The following SHISAL2B variants were observed in gnomAD, a reference collection of about 807,000 sequenced individuals.
SHISAL2B encodes the protein protein shisa-like-2B.
Under a neutral mutation model 16.5 loss-of-function variants are expected in SHISAL2B, and 12 were observed. The ratio of observed to expected loss-of-function variants is 0.73; its 90% CI spans 0.47 to 1.18. The LOEUF (loss-of-function observed/expected upper bound fraction) is 1.18. SHISAL2B is among the 50% of genes most tolerant of loss of function. SHISAL2B has a pLI of 0.00. For missense variants in SHISAL2B, 183 were observed against 193.6 expected (o/e 0.95, Z 0.33); for synonymous variants, 72 against 75.0 (o/e 0.96, Z 0.21).
intron 2 of SHISAL2B, among the ~76,000 whole-genome samples, chr5:64,714,719 C>T (rs1414339149): frequency 1.3e-5 from 2 of 152,186 alleles, no homozygotes; most frequent in Non-Finnish European, 1.5e-5. Context: ...CCCTCTGAGC[C>T]AGGTGTGGGA....
At chr5:64,715,028 A>T (rs1742025166) in intron 2 of SHISAL2B, among the ~76,000 whole-genome samples, 1 of 152,096 alleles carries the variant, frequency 6.6e-6, no homozygotes, top group Non-Finnish European at 1.5e-5. Flanking sequence ...GGAGCTGTAG[A>T]CCGGAGCTGT....
At chr5:64,712,218 C>T (rs1196829029) in intron 2 of SHISAL2B, among the ~76,000 whole-genome samples, 1 of 149,340 alleles carries the variant, frequency 6.7e-6, no homozygotes, top group Admixed American at 6.7e-5. Context: ...GAATGTGTCC[C>T]AGAGATTCTG....
intron 2 of SHISAL2B, among the ~76,000 whole-genome samples, chr5:64,697,010 C>T (rs1011236422): frequency 1.3e-5 from 2 of 152,206 alleles, no homozygotes; most frequent in African/African-American, 2.4e-5. Flanking sequence ...TTTTGCGGCT[C>T]AGGTGGGCAT....
intron 2 of SHISAL2B, among the ~76,000 whole-genome samples, chr5:64,697,766 G>A (rs1015455697): frequency 5.9e-5 from 9 of 152,112 alleles, no homozygotes; most frequent in African/African-American, 2.2e-4. Context: ...GAAAATCTTT[G>A]TGTTAAAAAA....
chr5:64,698,496 A>G (rs1421229372), intron 2 of SHISAL2B, among the ~76,000 whole-genome samples: 1 of 152,080 alleles, frequency 6.6e-6, no homozygotes, highest in African/African-American at 2.4e-5. Flanking sequence ...ACATGCTTCC[A>G]CTATTGTCTA....
In SHISAL2B at chr5:64,690,633, G is replaced by A; in HGVS notation, c.10G>A (p.Ala4Thr). 1 of 1,499,132 alleles carries A rather than the reference G, an allele frequency of 6.7e-7. No homozygotes were observed. Among genetic ancestry groups the A allele is most frequent in the South Asian group, 1.2e-5 (1 of 80,158 alleles). The allele number at this position is 1,499,132 out of a possible 1,614,324, so 92.9% of individuals were successfully genotyped here. MSE[A>T]SRLCSGYYSL... ...CCGGCCCCTGCCCGCGATGAGCGAGGCCAGCCGACTGTGCTCCGGCTACTA... is the reference window on the plus strand; with the variant it reads ...CCGGCCCCTGCCCGCGATGAGCGAGACCAGCCGACTGTGCTCCGGCTACTA... Residue 4 changes from alanine to threonine, a missense_variant, in exon 1 of 3, where the codon GCC becomes ACC. Physicochemically the swap from Ala to Thr is moderately conservative, Grantham distance 58. Coordinates refer to ENST00000389074, the MANE Select transcript of SHISAL2B (RefSeq NM_001164442.2).
chr5:64,708,642 C>T (rs1741907082), intron 2 of SHISAL2B, among the ~76,000 whole-genome samples: 1 of 152,092 alleles, frequency 6.6e-6, no homozygotes, highest in Non-Finnish European at 1.5e-5. Context: ...AAATTTGAAT[C>T]TAATTTTTAG....
chr5:64,700,311 C>A (rs539233790), intron 2 of SHISAL2B, among the ~76,000 whole-genome samples: 1 of 152,132 alleles, frequency 6.6e-6, no homozygotes, highest in East Asian at 1.9e-4. Context: ...GAGATTGGTT[C>A]GAAGACCCCC....
At chr5:64,701,587 T>C (rs566807708) in intron 2 of SHISAL2B, among the ~76,000 whole-genome samples, 27 of 152,052 alleles carry the variant, frequency 1.8e-4, no homozygotes, top group Non-Finnish European at 3.1e-4. Flanking sequence ...GAATTTTTGA[T>C]AAAAATTAGA....
rs928365488 is a variant in SHISAL2B at position 64,690,713 on chromosome 5, G to T, written c.90G>T (p.Gly30=). Residue 30 remains glycine, a synonymous_variant, in exon 1 of 3, where the codon GGG becomes GGT. Coordinates refer to ENST00000389074, the MANE Select transcript of SHISAL2B (RefSeq NM_001164442.2). ...TCCAGTGCCCCCGGCGCGGCGAGGG[G>T]GCAGCGCTCCAGTATTGCTGCGGCT... ...EPFQCPRRGE[G]AALQYCCGFA... 9 of 1,535,834 alleles carry T rather than the reference G, an allele frequency of 5.9e-6. No individual in the cohort carries two copies. The Admixed American group carries it at 1.6e-4, about 27-fold the overall frequency.
chr5:64,704,716 A>C (rs1177124917), intron 2 of SHISAL2B, among the ~76,000 whole-genome samples: 1 of 152,136 alleles, frequency 6.6e-6, no homozygotes, highest in Non-Finnish European at 1.5e-5. Context: ...GAAAAGAGGC[A>C]CAGGTAACAA....
intron 2 of SHISAL2B, among the ~76,000 whole-genome samples, chr5:64,709,991 G>A (rs1428965302): frequency 6.7e-6 from 1 of 150,258 alleles, no homozygotes. Context: ...TAGGTTGCCT[G>A]TTCACTCTGA....
At chr5:64,703,639 C>T (rs1359680269) in intron 2 of SHISAL2B, among the ~76,000 whole-genome samples, 1 of 152,138 alleles carries the variant, frequency 6.6e-6, no homozygotes, top group African/African-American at 2.4e-5. Context: ...TATCTGCTAA[C>T]TTCCTTTGTA....
intron 2 of SHISAL2B, among the ~76,000 whole-genome samples, chr5:64,702,515 T>G (rs903246313): frequency 6.6e-6 from 1 of 152,158 alleles, no homozygotes; most frequent in Non-Finnish European, 1.5e-5. Flanking sequence ...ATAGTTAATT[T>G]TTAACTATAT....
intron 2 of SHISAL2B, 118 bp downstream of exon 2, chr5:64,695,782 G>T: frequency 2.1e-5 from 15 of 721,348 alleles, no homozygotes; most frequent in Non-Finnish European, 3.0e-5. Context: ...TTCACTATGT[G>T]TCTCACTAAA....
chr5:64,694,011 T>C, intron 1 of SHISAL2B: 1 of 448,226 alleles, frequency 2.2e-6, no homozygotes, highest in South Asian at 1.6e-5. Flanking sequence ...CTTTCAGTTC[T>C]GTTCTCCTTC....
chr5:64,717,021 A>G (rs1742065432), intron 2 of SHISAL2B, among the ~76,000 whole-genome samples: 1 of 152,194 alleles, frequency 6.6e-6, no homozygotes, highest in Non-Finnish European at 1.5e-5. Context: ...AGGGTGAGAG[A>G]AAAGAGAGGC....
intron 2 of SHISAL2B, among the ~76,000 whole-genome samples, chr5:64,714,885 C>T (rs1016742089): frequency 7.9e-5 from 12 of 152,200 alleles, no homozygotes; most frequent in Admixed American, 3.3e-4. Flanking sequence ...GGCAATGCCT[C>T]GCCCTGCTTC....
intron 2 of SHISAL2B, among the ~76,000 whole-genome samples, chr5:64,706,857 C>A (rs564424447): frequency 6.6e-6 from 1 of 152,002 alleles, no homozygotes; most frequent in Non-Finnish European, 1.5e-5. Flanking sequence ...GCTTAGTTTT[C>A]AGTGATTTCA....
Sources: allele counts gnomAD v4.1 joint callset (sites outside exome capture counted in the v4.1 genomes callset), GRCh38; gene constraint gnomAD v4.1.1; transcripts MANE v1.5; gene names NCBI Gene and HGNC (gene_info 2026-07-23, HGNC 2026-07-21).